The following CADM2 variants were observed in gnomAD, a reference collection of about 807,000 sequenced individuals.
CADM2 encodes cell adhesion molecule 2, also known as immunoglobulin superfamily member 4D.
A neutral mutation model predicts 49.8 loss-of-function variants in CADM2; 12 were observed. The observed-to-expected ratio is 0.24, with a 90% confidence interval of 0.15 to 0.39. The LOEUF (loss-of-function observed/expected upper bound fraction) is 0.39, where lower values mean the gene tolerates loss of function less well. Among genes scored for constraint, CADM2 ranks in the 10% least tolerant of loss-of-function variants. The pLI is 1.00. For synonymous variants in CADM2, 214 were observed against 175.4 expected, an observed-to-expected ratio of 1.22 and a Z score of -1.74; for missense variants, 378 against 492.3, an observed-to-expected ratio of 0.77 and a Z score of 2.20.
At chr3:85,817,521 G>A (rs2073286103) in intron 3 of CADM2, among the ~76,000 whole-genome samples, 1 of 152,074 alleles carries the variant, frequency 6.6e-6, no homozygotes. Flanking sequence ...TCTCCTGTGG[G>A]GATGATGATC....
At chr3:85,289,671 T>G (rs2043727130) in intron 1 of CADM2, among the ~76,000 whole-genome samples, 1 of 152,164 alleles carries the variant, frequency 6.6e-6, no homozygotes, top group South Asian at 2.1e-4. Flanking sequence ...ATGGCTTGTC[T>G]TCCCCCTTCT....
At chr3:85,986,728 T>C (rs1312281840) in intron 8 of CADM2, among the ~76,000 whole-genome samples, 1 of 152,108 alleles carries the variant, frequency 6.6e-6, no homozygotes, top group Non-Finnish European at 1.5e-5. Context: ...ATATCTAAAA[T>C]AGTTCATAGT....
chr3:85,637,640 T>TAAAATAAAATA (rs1393921606), intron 1 of CADM2, among the ~76,000 whole-genome samples: 1 of 74,562 alleles, frequency 1.3e-5, no homozygotes, highest in Non-Finnish European at 2.9e-5. Context: ...ATAAAATAAA[T>TAAAATAAAATA]AAATAAATAA....
At chr3:85,074,776 G>A (rs1056633810) in intron 1 of CADM2, among the ~76,000 whole-genome samples, 6 of 151,922 alleles carry the variant, frequency 3.9e-5, no homozygotes, top group African/African-American at 1.5e-4. Flanking sequence ...GGGAGTCAGG[G>A]AACCTAATTT....
chr3:85,162,679 T>G (rs2040363019), intron 1 of CADM2, among the ~76,000 whole-genome samples: 1 of 152,104 alleles, frequency 6.6e-6, no homozygotes, highest in Admixed American at 6.6e-5. Context: ...AACATAGTAT[T>G]TTTAAATAGT....
intron 1 of CADM2, among the ~76,000 whole-genome samples, chr3:85,696,097 C>T (rs1286263822): frequency 6.6e-6 from 1 of 151,904 alleles, no homozygotes; most frequent in Non-Finnish European, 1.5e-5. Flanking sequence ...TGTTTGCCTA[C>T]TTTTTAATGG....
chr3:85,322,640 T>C (rs2044644486), intron 1 of CADM2, among the ~76,000 whole-genome samples: 1 of 152,224 alleles, frequency 6.6e-6, no homozygotes, highest in Admixed American at 6.5e-5. Flanking sequence ...AGTAAATTGA[T>C]TTCTGTGCTA....
At chr3:85,588,983 G>A (rs1420689312) in intron 1 of CADM2, among the ~76,000 whole-genome samples, 1 of 151,942 alleles carries the variant, frequency 6.6e-6, no homozygotes, top group African/African-American at 2.4e-5. Flanking sequence ...TTCCCAAATG[G>A]CTATTCTTAT....
intron 6 of CADM2, among the ~76,000 whole-genome samples, chr3:85,921,249 G>C (rs1391641050): frequency 1.3e-5 from 2 of 151,782 alleles, no homozygotes; most frequent in Non-Finnish European, 2.9e-5. Flanking sequence ...AAAATGAGTA[G>C]ATATTTAATG....
At position 86,014,255 on chromosome 3, in the gene CADM2, A is replaced by C. The variant is rs780982300; in HGVS notation, c.971-51350A>C. Reference sequence around the variant, plus strand: ...GCAGAGCATTTATACTCTGCAGTGCAGTAACAGATTTTGATTTCATTGTTA... The same window carrying C: ...GCAGAGCATTTATACTCTGCAGTGCCGTAACAGATTTTGATTTCATTGTTA... On this transcript the variant is annotated intron_variant, in intron 8 of 9. Transcript: ENST00000383699. 7 of 1,308,762 alleles carry C rather than the reference A, an allele frequency of 5.3e-6. No homozygotes were observed. The East Asian group carries it at 1.4e-4, about 26-fold the overall frequency. The allele number at this position is 1,308,762 out of a possible 1,614,324, so 81.1% of individuals were successfully genotyped here. A position where few individuals can be genotyped will look rare whatever the true frequency, so the allele number is the denominator to read the frequency against.
chr3:85,701,680 T>G (rs2066757741), intron 1 of CADM2, among the ~76,000 whole-genome samples: 1 of 152,150 alleles, frequency 6.6e-6, no homozygotes, highest in Non-Finnish European at 1.5e-5. Context: ...TACCAACTTT[T>G]TCAGTCATTT....
intron 1 of CADM2, among the ~76,000 whole-genome samples, chr3:85,551,393 A>G (rs1300929042): frequency 1.3e-5 from 2 of 152,114 alleles, no homozygotes; most frequent in Non-Finnish European, 2.9e-5. Flanking sequence ...TTGCACTTTT[A>G]TAATTACTAA....
At chr3:85,759,727 G>T (rs1024312680) in intron 2 of CADM2, among the ~76,000 whole-genome samples, 2 of 152,036 alleles carry the variant, frequency 1.3e-5, no homozygotes, top group Non-Finnish European at 2.9e-5. Context: ...GAAGTCACCT[G>T]CCCACATAAA....
rs145587202 is a variant in CADM2, at chr3:86,033,421, T to C, written c.971-32184T>C. On this transcript the variant is annotated intron_variant, in intron 8 of 9. Transcript: ENST00000383699. The stretch of plus-strand genomic sequence containing the variant: ...AGATACCATTATTTCCTCTCAATTG[T>C]TGGATTATCAGTGGATGATCCAGGA... Among the ~76,000 whole-genome samples, 89 of 151,956 alleles carry C rather than the reference T, an allele frequency of 5.9e-4. No individual in the cohort carries two copies. In the East Asian group the frequency reaches 0.014, roughly 25 times the overall value.
intron 1 of CADM2, among the ~76,000 whole-genome samples, chr3:85,164,220 C>T (rs1486952129): frequency 6.6e-6 from 1 of 151,906 alleles, no homozygotes; most frequent in Admixed American, 6.6e-5. Context: ...TGAAGGTGAG[C>T]TGGGTTATGA....
intron 8 of CADM2, among the ~76,000 whole-genome samples, chr3:86,011,545 C>T (rs1031046374): frequency 1.9e-4 from 28 of 150,576 alleles, no homozygotes; most frequent in African/African-American, 5.4e-4. Context: ...GGAATTGGGG[C>T]GATAAGAAAA....
chr3:85,788,980 A>G (rs1015686049), intron 2 of CADM2, among the ~76,000 whole-genome samples: 1 of 152,114 alleles, frequency 6.6e-6, no homozygotes, highest in African/African-American at 2.4e-5. Context: ...TCTTTACTAT[A>G]TCAACCTTCT....
intron 1 of CADM2, among the ~76,000 whole-genome samples, chr3:85,350,935 A>G (rs937124920): frequency 6.6e-6 from 1 of 152,204 alleles, no homozygotes. Flanking sequence ...AGAATTTTGT[A>G]TATAGCTATG....
Position 85,944,766 on chromosome 3 carries a change from C to T in CADM2, c.791+8909C>T, listed in dbSNP as rs150540965. Among the ~76,000 whole-genome samples the T allele has an allele frequency of 2.6e-5, 4 of 152,046 alleles. No homozygotes were observed. In the East Asian group the frequency reaches 7.8e-4, roughly 30 times the overall value. On this transcript the variant is annotated intron_variant, in intron 7 of 9. Transcript: ENST00000383699. ...ACAACATACCAGAATATCTGGGACA[C>T]ATTTAAAACATGTGTGTAGAGGGAA...
Sources: gnomAD v4.1 joint callset for allele counts (sites outside exome capture counted in the v4.1 genomes callset) on GRCh38, gnomAD v4.1.1 for gene constraint, MANE v1.5 for transcripts, NCBI Gene and HGNC (gene_info 2026-07-23, HGNC 2026-07-21) for gene names.